The following TRIM2 variants were observed in gnomAD, a reference collection of about 807,000 sequenced individuals.
TRIM2 encodes tripartite motif-containing protein 2.
Under a neutral mutation model 75.2 loss-of-function variants are expected in TRIM2, and 20 were observed. The ratio of observed to expected loss-of-function variants is 0.27; its 90% CI spans 0.19 to 0.39. The LOEUF (loss-of-function observed/expected upper bound fraction) is 0.39, where lower values mean the gene tolerates loss of function less well. TRIM2 is among the 10% of genes least tolerant of loss of function. TRIM2 has a pLI of 1.00. For synonymous variants in TRIM2, 373 were observed against 388.3 expected (o/e 0.96, Z 0.46); for missense variants, 660 against 990.8 (o/e 0.67, Z 4.48).
chr4:153,241,118 G>T (rs143506305), intron 1 of TRIM2, among the ~76,000 whole-genome samples: 130 of 152,296 alleles, frequency 8.5e-4, no homozygotes, highest in Middle Eastern at 6.8e-3. Context: ...TGTAGAGTAT[G>T]TGTCACTCTT....
intron 1 of TRIM2, among the ~76,000 whole-genome samples, chr4:153,223,546 C>T (rs1174526301): frequency 6.6e-6 from 1 of 152,146 alleles, no homozygotes; most frequent in Non-Finnish European, 1.5e-5. Context: ...TGAGGGTTTG[C>T]AGGGCTCTTT....
chr4:153,302,291 A>G (rs1193613205), intron 6 of TRIM2, among the ~76,000 whole-genome samples: 6 of 152,182 alleles, frequency 3.9e-5, no homozygotes, highest in Non-Finnish European at 7.3e-5. Flanking sequence ...TCAAAAGACA[A>G]CACTCACTAT....
chr4:153,328,362 C>T (rs1770700819), intron 10 of TRIM2, among the ~76,000 whole-genome samples, 168 bp from the exon 11 acceptor site: 1 of 152,118 alleles, frequency 6.6e-6, no homozygotes. Context: ...ATTTGGGGAA[C>T]CACAATGATA....
chr4:153,221,538 A>G (rs1739994095), intron 1 of TRIM2, among the ~76,000 whole-genome samples: 1 of 152,126 alleles, frequency 6.6e-6, no homozygotes. Flanking sequence ...CTATCATTTC[A>G]TAGTGTTTTG....
intron 1 of TRIM2, among the ~76,000 whole-genome samples, chr4:153,174,494 G>T (rs1296313110): frequency 6.6e-6 from 1 of 152,156 alleles, no homozygotes; most frequent in Non-Finnish European, 1.5e-5. Context: ...CCCACCGGGT[G>T]TGCAAAGGAG....
chr4:153,308,948 A>ATCCT (rs1407355941), intron 6 of TRIM2, among the ~76,000 whole-genome samples: 1 of 152,104 alleles, frequency 6.6e-6, no homozygotes, highest in Non-Finnish European at 1.5e-5. Flanking sequence ...CCTTCACCCC[A>ATCCT]TCCTTGAGAA....
intron 2 of TRIM2, among the ~76,000 whole-genome samples, chr4:153,274,797 C>T (rs1477380440): frequency 6.6e-6 from 1 of 152,180 alleles, no homozygotes; most frequent in East Asian, 1.9e-4. Context: ...CTTAATGATA[C>T]TTCCCAGAAG....
At chr4:153,243,207 G>A (rs995467371) in intron 1 of TRIM2, among the ~76,000 whole-genome samples, 8 of 152,230 alleles carry the variant, frequency 5.3e-5, no homozygotes, top group African/African-American at 1.9e-4. Flanking sequence ...GAGCCCCCAA[G>A]CTTCCTATCA....
chr4:153,308,562 C>G, intron 6 of TRIM2: 3 of 698,528 alleles, frequency 4.3e-6, no homozygotes, highest in Non-Finnish European at 8.0e-6. Context: ...TATCCTGTCT[C>G]TGTGCATTGC....
chr4:153,304,767 T>G (rs1215514677), intron 6 of TRIM2, among the ~76,000 whole-genome samples: 1 of 152,250 alleles, frequency 6.6e-6, no homozygotes, highest in Non-Finnish European at 1.5e-5. Flanking sequence ...TCTCTTGAGA[T>G]GGACCAAGGA....
Position 153,244,358 on chromosome 4 carries a change from T to TTCCTCTTCC in TRIM2, c.31-25975_31-25974insCTCTTCCTC, listed in dbSNP as rs1229665957. On this transcript the variant is annotated intron_variant, in intron 1 of 11. Transcript: ENST00000338700. ...CTTCTTCTTCTTCTTCTTCTTCCTC[T>TTCCTCTTCC]TCTTCTTCTTCTTCTTCTTCTTCTT... Among the ~76,000 whole-genome samples the TTCCTCTTCC allele has an allele frequency of 2.2e-4, 5 of 22,226 alleles. No homozygotes were observed. The East Asian group carries it at 7.3e-3, about 32-fold the overall frequency. 14.6% of individuals were successfully genotyped at this position (22,226 alleles called of 152,430 possible). A position where few individuals can be genotyped will look rare whatever the true frequency, so the allele number is the denominator to read the frequency against.
At chr4:153,312,109 C>T (rs1433027198) in intron 6 of TRIM2, among the ~76,000 whole-genome samples, 5 of 145,718 alleles carry the variant, frequency 3.4e-5, no homozygotes, top group East Asian at 2.0e-4. Flanking sequence ...GTTCCCCTTC[C>T]TGTGTCCATG....
chr4:153,308,030 C>T (rs988429866), intron 6 of TRIM2: 5 of 773,882 alleles, frequency 6.5e-6, no homozygotes, highest in Non-Finnish European at 1.2e-5. Flanking sequence ...TAACCTCTTT[C>T]TTGATGCTCT....
intron 1 of TRIM2, among the ~76,000 whole-genome samples, chr4:153,199,284 T>C (rs1734081920): frequency 6.6e-6 from 1 of 152,216 alleles, no homozygotes; most frequent in Non-Finnish European, 1.5e-5. Flanking sequence ...GGTTTACCTA[T>C]GTTAAAATGA....
intron 4 of TRIM2, among the ~76,000 whole-genome samples, chr4:153,293,783 T>G (rs1303284429): frequency 6.6e-6 from 1 of 152,200 alleles, no homozygotes; most frequent in Non-Finnish European, 1.5e-5. Flanking sequence ...CTCAAGAAAC[T>G]GGGTTTGGAT....
At chr4:153,223,763 T>A (rs1020917967) in intron 1 of TRIM2, among the ~76,000 whole-genome samples, 2 of 152,156 alleles carry the variant, frequency 1.3e-5, no homozygotes, top group African/African-American at 4.8e-5. Flanking sequence ...GCCCCTTTGC[T>A]TTCCCGGGAA....
At chr4:153,283,790 C>A (rs1476080086) in intron 3 of TRIM2, among the ~76,000 whole-genome samples, 2 of 151,564 alleles carry the variant, frequency 1.3e-5, no homozygotes, top group East Asian at 3.9e-4. Flanking sequence ...GTGCATGCCA[C>A]CACGCCCCGT....
intron 3 of TRIM2, among the ~76,000 whole-genome samples, chr4:153,278,748 T>C (rs1758571015): frequency 6.7e-6 from 1 of 150,206 alleles, no homozygotes; most frequent in South Asian, 2.1e-4. Flanking sequence ...CAGTGAGCCA[T>C]GATTGCGCCT....
intron 7 of TRIM2, 57 bp from the exon 8 acceptor site, chr4:153,315,775 C>A: frequency 6.3e-7 from 1 of 1,597,648 alleles, no homozygotes; most frequent in Admixed American, 1.7e-5. Context: ...CTGCCTATGC[C>A]TTCCTCAGCA....
Sources: allele counts gnomAD v4.1 joint callset (sites outside exome capture counted in the v4.1 genomes callset), GRCh38; gene constraint gnomAD v4.1.1; transcripts MANE v1.5; gene names NCBI Gene and HGNC (gene_info 2026-07-23, HGNC 2026-07-21).